The following JSRP1 variants were observed in gnomAD, a reference collection of about 807,000 sequenced individuals.
The protein encoded by JSRP1 is junctional sarcoplasmic reticulum protein 1.
In JSRP1, 29 loss-of-function variants were observed where a neutral mutation model predicts 21.4. That is an observed-to-expected ratio of 1.36 (90% confidence interval 1.01 to 1.85). JSRP1 has a LOEUF of 1.85. Ranked by LOEUF, JSRP1 falls within the 40% of genes most tolerant of loss-of-function variation. The pLI is 0.00. For missense variants in JSRP1, 531 were observed against 461.5 expected, an observed-to-expected ratio of 1.15 and a Z score of -1.38; for synonymous variants, 221 against 206.1, an observed-to-expected ratio of 1.07 and a Z score of -0.62.
Position 2,253,608 on chromosome 19 carries a change from G to T in JSRP1, c.436+12C>A. 6.9e-7 allele frequency: 1 copy of T among 1,459,034 alleles called. No individual in the cohort carries two copies. The highest frequency in any genetic ancestry group is 9.0e-7 in the Non-Finnish European group (1 of 1,112,692). The allele number at this position is 1,459,034 out of a possible 1,614,324, so 90.4% of individuals were successfully genotyped here. A position where few individuals can be genotyped will look rare whatever the true frequency, so the allele number is the denominator to read the frequency against. On this transcript the variant is annotated intron_variant, in intron 5 of 6. Coordinates refer to ENST00000300961, the MANE Select transcript of JSRP1 (RefSeq NM_144616.4). ...CCCAGCCTCGCCCCACCTCTGGGGA[G>T]CCTGCGCTCACCGCGGCACAGCTGG...
intron 5 of JSRP1, 94 bp downstream of exon 5, chr19:2,253,526 A>C: frequency 7.9e-7 from 1 of 1,269,840 alleles, no homozygotes; most frequent in Non-Finnish European, 1.0e-6. Flanking sequence ...GGAGGCTCCC[A>C]GACCCCACCC....
In JSRP1 at chr19:2,252,303, C is replaced by T. The variant is rs2025065381; in HGVS notation, c.*26G>A. ...AGAGTCGCGGGGCGTCCAGAAGGGG[C>T]CCCTGGACTCCGGCGCGGGGCCGGC... On this transcript the variant is annotated 3_prime_UTR_variant, in exon 7 of 7. Transcript: ENST00000300961. The T allele has an allele frequency of 4.2e-6, 6 of 1,440,030 alleles. No homozygotes were observed. In the Admixed American group the frequency reaches 8.5e-5, roughly 20 times the overall value. 89.2% of individuals were successfully genotyped at this position (1,440,030 alleles called of 1,614,324 possible).
Position 2,254,536 on chromosome 19 carries a change from C to T in JSRP1, c.110-54G>A, listed in dbSNP as rs1599143282. On this transcript the variant is annotated intron_variant, in intron 2 of 6. Coordinates refer to ENST00000300961, the MANE Select transcript of JSRP1 (RefSeq NM_144616.4). ...GTGGGGACCCCCAGGCCAATCCCAC[C>T]CTCTCCCCTGGCCCTGCTGGGTGAC... The T allele has an allele frequency of 6.9e-6, 11 of 1,603,550 alleles. No individual in the cohort carries two copies. In the South Asian group the frequency reaches 1.2e-4, roughly 18 times the overall value.
chr19:2,256,013 A>G (rs2025141004), intron 1 of JSRP1, among the ~76,000 whole-genome samples: 1 of 152,226 alleles, frequency 6.6e-6, no homozygotes, highest in South Asian at 2.1e-4. Context: ...CCCATAGGAC[A>G]GATGAGGAAA....
At chr19:2,255,953 G>T (rs1370065056) in intron 1 of JSRP1, among the ~76,000 whole-genome samples, 1 of 152,178 alleles carries the variant, frequency 6.6e-6, no homozygotes, top group Admixed American at 6.6e-5. Context: ...GTGGTTGGGG[G>T]TCTTCTGATC....
rs987912190 is a variant in JSRP1 at position 2,253,812 on chromosome 19, G to C, written c.263-19C>G. ...CGAGGGCCTGCGGGGGCAAGTGCGC[G>C]CTGCGCTGTGGTCACTGGCTCTGTG... is the stretch of plus-strand genomic sequence containing the variant. On this transcript the variant is annotated intron_variant, in intron 4 of 6. Transcript: ENST00000300961. 6.5e-6 allele frequency: 9 copies of C among 1,377,004 alleles called. No individual in the cohort carries two copies. The highest frequency in any genetic ancestry group is 6.5e-6 in the Non-Finnish European group (7 of 1,076,384). The allele number at this position is 1,377,004 out of a possible 1,614,324, so 85.3% of individuals were successfully genotyped here.
chr19:2,252,660 G>A lies in JSRP1; in HGVS notation c.665C>T (p.Ala222Val). ...EEEPGEATGE[A>V]VREDRVTLAD... ...GAGGGTCACACGGTCCTCCCGGACG[G>A]CCTCTCCGGTGGCCTCGCCGGGCTC... Residue 222 changes from alanine to valine, a missense_variant, in exon 7 of 7, where the codon GCC (alanine) becomes GTC (valine). By Grantham distance (64) the Ala-to-Val change is moderately conservative. Coordinates refer to ENST00000300961, the MANE Select transcript of JSRP1 (RefSeq NM_144616.4). The A allele has an allele frequency of 6.2e-7, 1 of 1,612,168 alleles. No homozygotes were observed. The highest frequency in any genetic ancestry group is 8.5e-7 in the Non-Finnish European group (1 of 1,179,924).
At chr19:2,255,613 G>C (rs1386350802) in intron 1 of JSRP1, among the ~76,000 whole-genome samples, 2 of 152,236 alleles carry the variant, frequency 1.3e-5, no homozygotes, top group African/African-American at 4.8e-5. Context: ...CTCTGGCCCA[G>C]AGAGGGCGGG....
Position 2,252,932 on chromosome 19 carries a change from T to A in JSRP1, c.508A>T (p.Arg170Trp). 1 of 1,610,092 alleles carries A rather than the reference T, an allele frequency of 6.2e-7. No individual in the cohort carries two copies. The highest frequency in any genetic ancestry group is 1.1e-5 in the South Asian group (1 of 90,648). Residue 170 changes from arginine to tryptophan, a missense_variant, in exon 6 of 7, where the codon AGG becomes TGG. Coordinates refer to ENST00000300961, the MANE Select transcript of JSRP1 (RefSeq NM_144616.4). ...EPWVPPSSAP[R>W]EPSSPLPKFE... ...CTTACCAGGGGCGACGATGGCTCCC[T>A]CGGGGCTGAGCTTGGCGGGACCCAG...
At chr19:2,255,110 G>A in intron 2 of JSRP1, 96 bp downstream of exon 2, 1 of 768,440 alleles carries the variant, frequency 1.3e-6, no homozygotes, top group South Asian at 1.8e-5. Context: ...CCAGTCCAGT[G>A]TGGGAGGCTA....
At chr19:2,253,123 G>C (rs2025089068) in intron 5 of JSRP1, 120 bp from the exon 6 acceptor site, 3 of 705,070 alleles carry the variant, frequency 4.3e-6, no homozygotes, top group Non-Finnish European at 7.1e-6. Flanking sequence ...CCCCCGGTAC[G>C]GCTGAGACTA....
chr19:2,253,892 GCT>G, intron 4 of JSRP1, 99 bp from the exon 5 acceptor site: 1 of 1,274,956 alleles, frequency 7.8e-7, no homozygotes, highest in African/African-American at 1.6e-5. Flanking sequence ...CCTGAACCCG[GCT>G]CTCTCTGCCT....
At chr19:2,255,388 G>T (rs2025133099) in intron 1 of JSRP1, 44 bp from the exon 2 acceptor site, 2 of 955,742 alleles carry the variant, frequency 2.1e-6, no homozygotes, top group Non-Finnish European at 3.2e-6. Flanking sequence ...CTGAGTCTCT[G>T]CCACAGGCCT....
Position 2,253,729 on chromosome 19 carries a change from C to G in JSRP1, c.327G>C (p.Pro109=), listed in dbSNP as rs1219044459. The part of the protein sequence containing the change: ...QTAPPLQPPP[P]PPALSEELPW... ...GCAGCTCCTCGCTCAGGGCCGGGGG[C>G]GGCGGCGGCGGCTGCAGGGGCGGCG... The change falls in exon 5 of 7, where the codon CCG becomes CCC. Residue 109 remains proline, a synonymous_variant. Coordinates refer to ENST00000300961, the MANE Select transcript of JSRP1 (RefSeq NM_144616.4). 6.8e-7 allele frequency: 1 copy of G among 1,473,706 alleles called. No individual in the cohort carries two copies. Among genetic ancestry groups the G allele is most frequent in the Non-Finnish European group, 8.9e-7 (1 of 1,119,172 alleles). 91.3% of individuals were successfully genotyped at this position (1,473,706 alleles called of 1,614,324 possible).
chr19:2,254,499 A>G lies in JSRP1; in HGVS notation c.110-17T>C. 6.2e-7 allele frequency: 1 copy of G among 1,612,506 alleles called. No individual in the cohort carries two copies. The highest frequency in any genetic ancestry group is 8.5e-7 in the Non-Finnish European group (1 of 1,179,888). ...TGGGTGTCGCTGTGGGAACACAGGC[A>G]GAGTCAAGGTTGTGGGGACCCCCAG... On this transcript the variant is annotated splice_polypyrimidine_tract_variant and intron_variant, in intron 2 of 6. Transcript: ENST00000300961.
chr19:2,253,024 C>A (rs372017018), intron 5 of JSRP1, 21 bp from the exon 6 acceptor site: 2 of 1,561,728 alleles, frequency 1.3e-6, no homozygotes, highest in East Asian at 4.6e-5. Flanking sequence ...AGGGTCGGGA[C>A]CCGAGTCAGC....
intron 5 of JSRP1, 42 bp from the exon 6 acceptor site, chr19:2,253,045 C>A: frequency 2.2e-6 from 3 of 1,368,966 alleles, no homozygotes; most frequent in Non-Finnish European, 2.0e-6. Flanking sequence ...TGGGCCGAGG[C>A]ACGGTCCACA....
At position 2,252,794 on chromosome 19, in the gene JSRP1, A is replaced by G. The variant is rs1373878033; in HGVS notation, c.531T>C (p.Pro177=). The G allele has an allele frequency of 1.9e-6, 3 of 1,610,652 alleles. No homozygotes were observed. The highest frequency in any genetic ancestry group is 2.7e-5 in the African/African-American group (2 of 74,664). The part of the protein sequence containing the change: ...SAPREPSSPL[P]KFEAQAPPSA... ...ATGGAGGCGCCTGGGCCTCGAACTTAGGCTGCAAGACAGAGTGGGGTCCTG... is the reference window on the plus strand; with the variant it reads ...ATGGAGGCGCCTGGGCCTCGAACTTGGGCTGCAAGACAGAGTGGGGTCCTG... Residue 177 remains proline, a splice_region_variant and synonymous_variant, in exon 7 of 7, where the codon CCT becomes CCC. Transcript: ENST00000300961.
rs776904964 is a variant in JSRP1, at chr19:2,254,137, C to CA, written c.262+49dup. 3.5e-5 allele frequency: 49 copies of CA among 1,401,914 alleles called. No individual in the cohort carries two copies. In the Admixed American group the frequency reaches 1.0e-3, roughly 29 times the overall value. 86.8% of individuals were successfully genotyped at this position (1,401,914 alleles called of 1,614,324 possible). ...ACCCAGCTCCGGCACCTGAGCCTCA[C>CA]ACCAGTCCGTTCCCACCCCACACCT... On this transcript the variant is annotated intron_variant, in intron 4 of 6. Coordinates refer to ENST00000300961, the MANE Select transcript of JSRP1 (RefSeq NM_144616.4).
Sources: gnomAD v4.1 joint callset for allele counts (sites outside exome capture counted in the v4.1 genomes callset) on GRCh38, gnomAD v4.1.1 for gene constraint, MANE v1.5 for transcripts, NCBI Gene and HGNC (gene_info 2026-07-23, HGNC 2026-07-21) for gene names.